Variants in SORT1 observed in about 807,000 individuals in gnomAD.
The protein encoded by SORT1 is sortilin.
Under a neutral mutation model 101.7 loss-of-function variants are expected in SORT1, and 39 were observed. The ratio of observed to expected loss-of-function variants is 0.38; its 90% CI spans 0.30 to 0.50. SORT1 has a LOEUF of 0.50. Among genes scored for constraint, SORT1 ranks in the 20% least tolerant of loss-of-function variants. SORT1 has a pLI of 0.90. For missense variants in SORT1, 878 were observed against 1,040.4 expected (o/e 0.84, Z 2.15); for synonymous variants, 396 against 393.7 (o/e 1.01, Z -0.07).
intron 11 of SORT1, among the ~76,000 whole-genome samples, chr1:109,335,891 T>C (rs1477646089): frequency 1.3e-5 from 2 of 152,218 alleles, no homozygotes; most frequent in Non-Finnish European, 2.9e-5. Context: ...TTATGAATGG[T>C]GGAGCTGCGG....
intron 1 of SORT1, among the ~76,000 whole-genome samples, chr1:109,388,545 C>T (rs774872583): frequency 2.4e-4 from 36 of 152,090 alleles, no homozygotes; most frequent in Non-Finnish European, 5.1e-4. Flanking sequence ...TTAGCCAGGG[C>T]TAATATGTCT....
intron 3 of SORT1, among the ~76,000 whole-genome samples, chr1:109,362,867 T>C (rs1161869450): frequency 1.3e-5 from 2 of 151,894 alleles, no homozygotes; most frequent in Non-Finnish European, 2.9e-5. Context: ...AACTGAAATA[T>C]GCAGTCATTG....
intron 10 of SORT1, 32 bp from the exon 11 acceptor site, chr1:109,336,378 T>C (rs1354350736): frequency 4.4e-6 from 6 of 1,349,010 alleles, no homozygotes; most frequent in Non-Finnish European, 4.3e-6. Context: ...TTAAGTCTGA[T>C]ACACTGGAAG....
At chr1:109,315,488 T>A (rs1363081283) in intron 17 of SORT1, among the ~76,000 whole-genome samples, 1 of 151,888 alleles carries the variant, frequency 6.6e-6, no homozygotes, top group East Asian at 1.9e-4. Context: ...CCCTTACCAA[T>A]ACACACACTC....
intron 17 of SORT1, among the ~76,000 whole-genome samples, chr1:109,315,721 C>T (rs565980120): frequency 6.0e-5 from 9 of 149,308 alleles, no homozygotes; most frequent in African/African-American, 1.7e-4. Context: ...TAGTTCAGTG[C>T]TACAGATTTG....
At chr1:109,362,941 G>A (rs973792331) in intron 3 of SORT1, among the ~76,000 whole-genome samples, 1 of 152,134 alleles carries the variant, frequency 6.6e-6, no homozygotes, top group Non-Finnish European at 1.5e-5. Flanking sequence ...TACACAACAT[G>A]CCTTGAAGAA....
intron 16 of SORT1, among the ~76,000 whole-genome samples, chr1:109,317,162 C>G (rs1207898418): frequency 1.3e-5 from 2 of 152,036 alleles, no homozygotes; most frequent in Non-Finnish European, 2.9e-5. Flanking sequence ...CATCTCTGTC[C>G]CCTGCTGTCA....
chr1:109,386,705 AAAAG>A (rs1652591821), intron 1 of SORT1, among the ~76,000 whole-genome samples: 1 of 152,178 alleles, frequency 6.6e-6, no homozygotes, highest in Non-Finnish European at 1.5e-5. Flanking sequence ...AATAATTGTT[AAAAG>A]TTTAAAAAAG....
intron 1 of SORT1, among the ~76,000 whole-genome samples, chr1:109,384,134 C>G (rs1253757883): frequency 6.6e-6 from 1 of 152,152 alleles, no homozygotes. Context: ...CCCTGCTCCA[C>G]AATAAGCCAG....
intron 3 of SORT1, among the ~76,000 whole-genome samples, chr1:109,359,875 A>C (rs1650594410): frequency 6.6e-6 from 1 of 152,172 alleles, no homozygotes; most frequent in Non-Finnish European, 1.5e-5. Flanking sequence ...TCTATATCAG[A>C]CAAAGGTGAG....
At chr1:109,349,418 C>T (rs1280493974) in intron 6 of SORT1, among the ~76,000 whole-genome samples, 3 of 151,886 alleles carry the variant, frequency 2.0e-5, no homozygotes, top group Admixed American at 1.3e-4. Context: ...ATACATAAAA[C>T]GAAAGCAAAT....
chr1:109,314,565 C>G (rs1471697480), intron 18 of SORT1, 107 bp downstream of exon 18: 11 of 1,084,090 alleles, frequency 1.0e-5, no homozygotes, highest in African/African-American at 1.6e-5. Flanking sequence ...TTTTCAGGAA[C>G]AGTACTGCAA....
At chr1:109,374,401 C>T (rs753067876) in intron 1 of SORT1, among the ~76,000 whole-genome samples, 3 of 151,366 alleles carry the variant, frequency 2.0e-5, no homozygotes, top group African/African-American at 4.9e-5. Flanking sequence ...GGTAAAATCC[C>T]GTCTCCACTA....
chr1:109,326,580 T>TAC (rs1177482937), intron 13 of SORT1, among the ~76,000 whole-genome samples: 16 of 146,980 alleles, frequency 1.1e-4, no homozygotes, highest in African/African-American at 1.5e-4. Flanking sequence ...CATACATATA[T>TAC]ACACACACAC....
intron 11 of SORT1, among the ~76,000 whole-genome samples, chr1:109,332,747 T>C (rs1648545793): frequency 6.6e-6 from 1 of 152,182 alleles, no homozygotes; most frequent in Admixed American, 6.5e-5. Context: ...AACAGCATGG[T>C]ACTGGCGTTA....
intron 15 of SORT1, among the ~76,000 whole-genome samples, chr1:109,321,647 T>C (rs3853500): frequency 0.65 from 98,380 of 152,070 alleles, 33,695 homozygotes; most frequent in East Asian, 0.96. Context: ...GTCAGACCTA[T>C]ATTCTACTGT....
chr1:109,351,943 G>A (rs1041542665), intron 5 of SORT1, among the ~76,000 whole-genome samples: 1 of 150,480 alleles, frequency 6.6e-6, no homozygotes, highest in African/African-American at 2.5e-5. Flanking sequence ...GACTTCTCCT[G>A]CAGGGCAGGA....
At chr1:109,364,332 G>C (rs1371174129) in intron 3 of SORT1, among the ~76,000 whole-genome samples, 1 of 152,128 alleles carries the variant, frequency 6.6e-6, no homozygotes. Flanking sequence ...AGGTATAGAA[G>C]ATAACTCAAC....
Position 109,324,904 on chromosome 1 carries a change from C to T in SORT1, c.1829G>A (p.Arg610Lys). 5.0e-6 allele frequency: 8 copies of T among 1,600,658 alleles called. No individual in the cohort carries two copies. The highest frequency in any genetic ancestry group is 6.8e-6 in the Non-Finnish European group (8 of 1,170,450). ...AGGTCAAAGGAGACACTCACAGTTC[C>T]TTTCAAGGATATCTTTAAAATCAAT... ...YTIDFKDILE[R>K]NCEEKDYTIW... The change falls in exon 14 of 20, where the codon AGG becomes AAG. Residue 610 changes from arginine (R) to lysine (K), a missense_variant. Physicochemically the swap from Arg to Lys is conservative, Grantham distance 26 (BLOSUM62 2). Transcript: ENST00000256637.
Sources: allele counts gnomAD v4.1 joint callset (sites outside exome capture counted in the v4.1 genomes callset), GRCh38; gene constraint gnomAD v4.1.1; transcripts MANE v1.5; gene names NCBI Gene and HGNC (gene_info 2026-07-23, HGNC 2026-07-21).